The following CLNK variants were observed in gnomAD, a reference collection of about 807,000 sequenced individuals.
The protein encoded by CLNK is cytokine-dependent hematopoietic cell linker.
Under a neutral mutation model 68.6 loss-of-function variants are expected in CLNK, and 74 were observed. The ratio of observed to expected loss-of-function variants is 1.08; its 90% CI spans 0.89 to 1.31. CLNK has a LOEUF of 1.31. Ranked by LOEUF, CLNK falls within the 50% of genes most tolerant of loss-of-function variation. The probability of loss-of-function intolerance (pLI) is 0.00; values close to 1 mark genes in which losing one functional copy is unlikely to be tolerated. For synonymous variants in CLNK, 198 were observed against 172.2 expected (o/e 1.15, Z -1.17); for missense variants, 553 against 515.3 (o/e 1.07, Z -0.71).
At position 10,540,604 on chromosome 4, in the gene CLNK, C is replaced by T; in HGVS notation, c.492G>A (p.Arg164=). The change falls in exon 11 of 19, where the codon CGG becomes CGA. Residue 164 remains arginine (R), a splice_region_variant and synonymous_variant. Coordinates refer to ENST00000226951, the MANE Select transcript of CLNK (RefSeq NM_052964.4). ...RKNKIPLPPP[R]PLITLPKKYQ... ...ACTTCTTCGGAAGTGTTATGAGAGG[C>T]CTGTGTGGAGAGTCGCAGTAGGGTC... 1 of 1,611,216 alleles carries T rather than the reference C, an allele frequency of 6.2e-7. No individual in the cohort carries two copies. Among genetic ancestry groups the T allele is most frequent in the Non-Finnish European group, 8.5e-7 (1 of 1,177,482 alleles).
intron 4 of CLNK, among the ~76,000 whole-genome samples, chr4:10,575,715 C>T (rs1380000890): frequency 1.3e-5 from 2 of 152,230 alleles, no homozygotes; most frequent in South Asian, 2.1e-4. Context: ...GCCTTGATAG[C>T]TGGGCAGAGA....
intron 7 of CLNK, among the ~76,000 whole-genome samples, chr4:10,563,839 G>A (rs1042516730): frequency 1.2e-4 from 19 of 152,072 alleles, no homozygotes; most frequent in African/African-American, 4.3e-4. Flanking sequence ...CCCGGGAGGT[G>A]GAGGTTGCAG....
intron 14 of CLNK, among the ~76,000 whole-genome samples, chr4:10,524,759 G>T (rs989600310): frequency 6.6e-6 from 1 of 152,138 alleles, no homozygotes; most frequent in Non-Finnish European, 1.5e-5. Context: ...TTTAAGCTGG[G>T]GTTCCATGGA....
intron 2 of CLNK, among the ~76,000 whole-genome samples, chr4:10,648,773 T>A (rs922192072): frequency 6.6e-6 from 1 of 152,180 alleles, no homozygotes; most frequent in African/African-American, 2.4e-5. Flanking sequence ...TGCCCAAAGC[T>A]TGAAAGAACA....
At chr4:10,708,548 A>C in the CLNK span, among the ~76,000 whole-genome samples, 18 of 152,326 alleles carry the variant, frequency 1.2e-4, no homozygotes, top group East Asian at 3.5e-3. Context: ...TAGAGCACCC[A>C]CAGAAATAAG....
chr4:10,723,919 A>AGAGAGAGAGACAGAGAG, the CLNK span, among the ~76,000 whole-genome samples: 4 of 148,130 alleles, frequency 2.7e-5, no homozygotes, highest in Non-Finnish European at 6.0e-5. Context: ...AGAGAGAGAG[A>AGAGAGAGAGACAGAGAG]AGGCAGGGCA....
the CLNK span, among the ~76,000 whole-genome samples, chr4:10,728,536 G>A: frequency 2.6e-5 from 4 of 151,320 alleles, no homozygotes; most frequent in East Asian, 7.8e-4. Flanking sequence ...ACTGCTGCAG[G>A]TTTGCCATCA....
chr4:10,509,317 G>A (rs1428479774), intron 16 of CLNK, among the ~76,000 whole-genome samples: 1 of 152,074 alleles, frequency 6.6e-6, no homozygotes, highest in Non-Finnish European at 1.5e-5. Context: ...AATGGTATGA[G>A]CTAGCTCTAA....
intron 2 of CLNK, among the ~76,000 whole-genome samples, chr4:10,638,437 G>C (rs1412064360): frequency 6.6e-6 from 1 of 152,212 alleles, no homozygotes; most frequent in Non-Finnish European, 1.5e-5. Context: ...TTGGCGAAAA[G>C]CAGATATATG....
chr4:10,642,613 TG>T (rs1723352610), intron 2 of CLNK, among the ~76,000 whole-genome samples: 1 of 152,096 alleles, frequency 6.6e-6, no homozygotes, highest in Non-Finnish European at 1.5e-5. Flanking sequence ...TGTATGCATG[TG>T]GGTAAGTCAT....
At chr4:10,725,649 C>T in the CLNK span, among the ~76,000 whole-genome samples, 9 of 152,012 alleles carry the variant, frequency 5.9e-5, no homozygotes, top group East Asian at 1.9e-4. Context: ...GTCAGGAGAT[C>T]GAGACCATCC....
At chr4:10,718,160 A>G in the CLNK span, among the ~76,000 whole-genome samples, 3 of 152,196 alleles carry the variant, frequency 2.0e-5, no homozygotes, top group African/African-American at 4.8e-5. Flanking sequence ...AATGAACTGG[A>G]AGTAGAACAA....
intron 1 of CLNK, among the ~76,000 whole-genome samples, chr4:10,672,951 C>T (rs2108897402): frequency 6.6e-6 from 1 of 152,278 alleles, no homozygotes; most frequent in Admixed American, 6.5e-5. Flanking sequence ...TAGGAACTGG[C>T]ACTGCTTGTA....
At chr4:10,501,192 C>G (rs1038921673) in intron 18 of CLNK, 64 bp downstream of exon 18, 9 of 1,483,556 alleles carry the variant, frequency 6.1e-6, no homozygotes, top group Non-Finnish European at 8.1e-6. Flanking sequence ...GGTGACATCC[C>G]CCAAACTCTT....
rs577452983 is a variant in CLNK, at chr4:10,527,998, A to G, written c.649+78T>C. The G allele has an allele frequency of 2.4e-4, 182 of 748,260 alleles. 4 individuals carry two copies. The East Asian group carries it at 5.8e-3, about 24-fold the overall frequency. The allele number at this position is 748,260 out of a possible 1,614,324, so 46.4% of individuals were successfully genotyped here. A position where few individuals can be genotyped will look rare whatever the true frequency, so the allele number is the denominator to read the frequency against. ...TTCCAAACAATCAATCCTTTTTAAT[A>G]ACCATGAGCACTGTAGATCTAGAAA... On this transcript the variant is annotated intron_variant, in intron 13 of 18. Transcript: ENST00000226951.
chr4:10,689,844 G>A, the CLNK span, among the ~76,000 whole-genome samples: 2 of 142,178 alleles, frequency 1.4e-5, no homozygotes, highest in Non-Finnish European at 3.0e-5. Context: ...TTACATTGGT[G>A]CCTTGGGCAG....
At chr4:10,563,913 A>G (rs1246181791) in intron 7 of CLNK, among the ~76,000 whole-genome samples, 1 of 140,468 alleles carries the variant, frequency 7.1e-6, no homozygotes, top group Non-Finnish European at 1.6e-5. Flanking sequence ...TCTCAAAAAA[A>G]GAAAAGAAAA....
At chr4:10,503,931 C>G (rs1717168941) in intron 17 of CLNK, among the ~76,000 whole-genome samples, 1 of 150,622 alleles carries the variant, frequency 6.6e-6, no homozygotes, top group African/African-American at 2.4e-5. Context: ...AACAGGCACC[C>G]AACACCACGC....
chr4:10,609,633 C>A (rs1046470438), intron 2 of CLNK, among the ~76,000 whole-genome samples: 1 of 152,188 alleles, frequency 6.6e-6, no homozygotes, highest in Non-Finnish European at 1.5e-5. Context: ...AGGAATGCCT[C>A]AAGGGAATAA....
Sources: gnomAD v4.1 joint callset for allele counts (sites outside exome capture counted in the v4.1 genomes callset) on GRCh38, gnomAD v4.1.1 for gene constraint, MANE v1.5 for transcripts, NCBI Gene and HGNC (gene_info 2026-07-23, HGNC 2026-07-21) for gene names.